The following SORCS1 variants were observed in gnomAD, a reference collection of about 807,000 sequenced individuals.
The protein encoded by SORCS1 is sortilin related VPS10 domain containing receptor 1, also known as VPS10 domain-containing receptor SorCS1.
Under a neutral mutation model 146.1 loss-of-function variants are expected in SORCS1, and 60 were observed. The observed-to-expected ratio is 0.41, with a 90% CI of 0.33 to 0.51. SORCS1 has a LOEUF of 0.51. Ranked by LOEUF, SORCS1 falls within the 20% of genes least tolerant of loss-of-function variation. The pLI, the probability that SORCS1 is intolerant of heterozygous loss-of-function variation, is 0.21. For missense variants in SORCS1, 1,352 were observed against 1,487.6 expected (o/e 0.91, Z 1.50); for synonymous variants, 637 against 584.0 (o/e 1.09, Z -1.31).
intron 5 of SORCS1, among the ~76,000 whole-genome samples, chr10:106,739,463 T>C (rs10466179): frequency 0.79 from 117,240 of 149,090 alleles, 46,797 homozygotes; most frequent in Non-Finnish European, 0.87. Flanking sequence ...CCAGTCTGGG[T>C]GACAGAGAGA....
At chr10:106,653,990 C>T (rs777542166) in intron 17 of SORCS1, among the ~76,000 whole-genome samples, 26 of 152,186 alleles carry the variant, frequency 1.7e-4, no homozygotes, top group Non-Finnish European at 3.1e-4. Context: ...GACTCTTTCT[C>T]CCTCATAAGC....
In SORCS1 at chr10:106,757,301, C is replaced by A. The variant is rs537552543; in HGVS notation, c.959+4287G>T. Among the ~76,000 whole-genome samples, 3 of 152,158 alleles carry A rather than the reference C, an allele frequency of 2.0e-5. No individual in the cohort carries two copies. The East Asian group carries it at 5.8e-4, about 29-fold the overall frequency. On this transcript the variant is annotated intron_variant, in intron 5 of 25. Transcript: ENST00000263054. ...AATTCTATGTTATTACCCATGGTAA[C>A]TTAACAATTTGATTTAACACTAGAG...
At chr10:107,033,628 T>A (rs945189592) in intron 1 of SORCS1, among the ~76,000 whole-genome samples, 2 of 152,204 alleles carry the variant, frequency 1.3e-5, no homozygotes, top group Non-Finnish European at 2.9e-5. Context: ...AATTACCACA[T>A]AACAGTTCAA....
intron 1 of SORCS1, among the ~76,000 whole-genome samples, chr10:106,989,859 T>G (rs1229893509): frequency 5.3e-5 from 8 of 151,788 alleles, no homozygotes; most frequent in African/African-American, 1.9e-4. Context: ...GCTAATTTTT[T>G]GTATTTTTAG....
intron 1 of SORCS1, among the ~76,000 whole-genome samples, chr10:107,003,411 GAAT>G (rs773588530): frequency 2.0e-5 from 3 of 149,624 alleles, no homozygotes; most frequent in Non-Finnish European, 4.4e-5. Flanking sequence ...TGTATAGAGA[GAAT>G]AATAAATTCC....
At chr10:106,919,081 C>T (rs1220135612) in intron 2 of SORCS1, among the ~76,000 whole-genome samples, 2 of 152,142 alleles carry the variant, frequency 1.3e-5, no homozygotes, top group Non-Finnish European at 2.9e-5. Flanking sequence ...AAGTGACCCA[C>T]CAACCTTGGC....
chr10:106,638,688 T>C (rs1848872768), intron 18 of SORCS1, among the ~76,000 whole-genome samples: 1 of 152,186 alleles, frequency 6.6e-6, no homozygotes, highest in Non-Finnish European at 1.5e-5. Context: ...GGATATATGA[T>C]TTCTTGCCCT....
At chr10:106,874,062 A>T (rs1158198253) in intron 2 of SORCS1, among the ~76,000 whole-genome samples, 1 of 152,224 alleles carries the variant, frequency 6.6e-6, no homozygotes, top group Non-Finnish European at 1.5e-5. Flanking sequence ...CATTTAGTCA[A>T]TATAGAGTAC....
intron 1 of SORCS1, among the ~76,000 whole-genome samples, chr10:107,116,200 A>G (rs928893381): frequency 1.3e-5 from 2 of 152,134 alleles, no homozygotes; most frequent in Non-Finnish European, 2.9e-5. Flanking sequence ...GTAAGACAGT[A>G]GGAAGGCTCT....
chr10:106,802,261 C>T lies in SORCS1; in HGVS notation c.727-25569G>A, dbSNP rs531771149. ...TATGAGAGTGATAAGGTGAGCCTGG[C>T]TTCAGGGAAGATTTGCATCCACAAA... On this transcript the variant is annotated intron_variant, in intron 3 of 25. Coordinates refer to ENST00000263054, the MANE Select transcript of SORCS1 (RefSeq NM_052918.5). Among the ~76,000 whole-genome samples, 11 of 152,318 alleles carry T rather than the reference C, an allele frequency of 7.2e-5. No homozygotes were observed. In the East Asian group the frequency reaches 2.1e-3, roughly 29 times the overall value.
intron 24 of SORCS1, among the ~76,000 whole-genome samples, chr10:106,596,419 T>A (rs929670032): frequency 6.6e-6 from 1 of 152,240 alleles, no homozygotes. Context: ...CAATGTCTGT[T>A]TCTAAGTGCT....
rs146470204 is a variant in SORCS1 at position 107,001,686 on chromosome 10, A to T, written c.559-45106T>A. ...ATCATGTTGGCCAGGCTGGTCTGGA[A>T]ATCGTGCCCTCAGGTGATCTGCCTG... On this transcript the variant is annotated intron_variant, in intron 1 of 25. Coordinates refer to ENST00000263054, the MANE Select transcript of SORCS1 (RefSeq NM_052918.5). Among the ~76,000 whole-genome samples, 792 of 152,274 alleles carry T rather than the reference A, an allele frequency of 5.2e-3. 5 individuals are homozygous for T. The highest frequency in any genetic ancestry group is 0.031 in the Middle Eastern group (9 of 294).
rs760812204 is a variant in SORCS1, at chr10:106,891,504, C to CTTTTTTTTTTTTTTTTTTTTTTT, written c.627-61832_627-61831insAAAAAAAAAAAAAAAAAAAAAAA. Among the ~76,000 whole-genome samples, 108 of 97,244 alleles carry CTTTTTTTTTTTTTTTTTTTTTTT rather than the reference C, an allele frequency of 1.1e-3. 15 individuals are homozygous for CTTTTTTTTTTTTTTTTTTTTTTT. Among genetic ancestry groups the CTTTTTTTTTTTTTTTTTTTTTTT allele is most frequent in the Non-Finnish European group, 2.0e-3 (85 of 43,526 alleles). 63.8% of individuals were successfully genotyped at this position (97,244 alleles called of 152,430 possible). Reference sequence around the variant, plus strand: ...GTAATCAGAAGTTTCAATGGGAATTCTTTTTTTTTTTTTGAGAAAAGACCT... The same window carrying CTTTTTTTTTTTTTTTTTTTTTTT: ...GTAATCAGAAGTTTCAATGGGAATTCTTTTTTTTTTTTTTTTTTTTTTTTTTTTTTTTTTTTGAGAAAAGACCT... On this transcript the variant is annotated intron_variant, in intron 2 of 25. Transcript: ENST00000263054.
At chr10:106,701,381 G>C (rs1854127867) in intron 8 of SORCS1, among the ~76,000 whole-genome samples, 1 of 152,050 alleles carries the variant, frequency 6.6e-6, no homozygotes, top group Non-Finnish European at 1.5e-5. Context: ...CCATTTCTCT[G>C]GCAACAGCAA....
the SORCS1 span, among the ~76,000 whole-genome samples, chr10:107,177,876 T>C: frequency 6.6e-6 from 1 of 152,174 alleles, no homozygotes; most frequent in Non-Finnish European, 1.5e-5. Flanking sequence ...TGAAAGCCAT[T>C]ATTCTCAGCA....
At chr10:106,730,567 C>A (rs977771403) in intron 5 of SORCS1, among the ~76,000 whole-genome samples, 1 of 152,130 alleles carries the variant, frequency 6.6e-6, no homozygotes, top group Admixed American at 6.5e-5. Flanking sequence ...ATGAACAAAC[C>A]CTGTGACTCA....
At chr10:106,900,407 T>A (rs1564790095) in intron 2 of SORCS1, among the ~76,000 whole-genome samples, 1 of 152,174 alleles carries the variant, frequency 6.6e-6, no homozygotes, top group Non-Finnish European at 1.5e-5. Flanking sequence ...CTCTGTGGCT[T>A]TTCTCTAGTT....
chr10:107,119,650 C>T (rs1274535474), intron 1 of SORCS1, among the ~76,000 whole-genome samples: 1 of 151,974 alleles, frequency 6.6e-6, no homozygotes, highest in Non-Finnish European at 1.5e-5. Flanking sequence ...TTATTAGAAG[C>T]CTTCAAATAT....
chr10:106,820,785 C>T (rs1243345609), intron 3 of SORCS1, among the ~76,000 whole-genome samples: 1 of 152,184 alleles, frequency 6.6e-6, no homozygotes, highest in East Asian at 1.9e-4. Context: ...GTATGTCAAA[C>T]ACAAGATGAC....
Sources: gnomAD v4.1 joint callset for allele counts (sites outside exome capture counted in the v4.1 genomes callset) on GRCh38, gnomAD v4.1.1 for gene constraint, MANE v1.5 for transcripts, NCBI Gene and HGNC (gene_info 2026-07-23, HGNC 2026-07-21) for gene names.